The following IQSEC3 variants were observed in gnomAD, a reference collection of about 807,000 sequenced individuals.
IQSEC3 encodes IQ motif and Sec7 domain ArfGEF 3, also known as IQ motif and SEC7 domain-containing protein 3.
Under a neutral mutation model 105.4 loss-of-function variants are expected in IQSEC3, and 50 were observed. That is an observed-to-expected ratio of 0.47 (90% CI 0.38 to 0.60). The LOEUF (loss-of-function observed/expected upper bound fraction) is 0.60. Among genes scored for constraint, IQSEC3 ranks in the 20% least tolerant of loss-of-function variants. IQSEC3 has a pLI of 0.00. For missense variants in IQSEC3, 1,415 were observed against 1,630.0 expected (o/e 0.87, Z 2.27); for synonymous variants, 708 against 746.0 (o/e 0.95, Z 0.83).
chr12:86,188 G>A (rs185232848), intron 1 of IQSEC3, among the ~76,000 whole-genome samples: 29 of 152,308 alleles, frequency 1.9e-4, no homozygotes, highest in East Asian at 9.6e-4. Flanking sequence ...GGGCGCTTCC[G>A]GCCTAGGTGG....
chr12:138,187 G>C lies in IQSEC3; in HGVS notation c.904-80G>C. ...TCCTGGGCCCCACCCGAGTGTGGCC[G>C]GGTGACTCCACCACTCCTCAGAAGG... is the stretch of plus-strand genomic sequence containing the variant. On this transcript the variant is annotated intron_variant, in intron 3 of 13. Coordinates refer to ENST00000538872, the MANE Select transcript of IQSEC3 (RefSeq NM_001170738.2). This position sits in a 1 kb window ranked among gnomAD's most constrained non-coding sequence, Gnocchi z 7.1. 7 of 1,300,762 alleles carry C rather than the reference G, an allele frequency of 5.4e-6. No individual in the cohort carries two copies. The highest frequency in any genetic ancestry group is 1.4e-5 in the South Asian group (1 of 72,760). The allele number at this position is 1,300,762 out of a possible 1,614,324, so 80.6% of individuals were successfully genotyped here. A position where few individuals can be genotyped will look rare whatever the true frequency, so the allele number is the denominator to read the frequency against.
In IQSEC3 at chr12:99,540, C is replaced by T. The variant is rs1237784246; in HGVS notation, c.623+326C>T. On this transcript the variant is annotated intron_variant, in intron 2 of 13. Coordinates refer to ENST00000538872, the MANE Select transcript of IQSEC3 (RefSeq NM_001170738.2). ...ATTGGGGATATTCGTGTCTCTCACA[C>T]GGTAGGGTGCCTGGCACACAGTGGT... Among the ~76,000 whole-genome samples the T allele has an allele frequency of 2.6e-5, 4 of 152,222 alleles. No homozygotes were observed. In the East Asian group the frequency reaches 5.8e-4, roughly 22 times the overall value.
At position 141,284 on chromosome 12, in the gene IQSEC3, G is replaced by C. The variant is rs781980493; in HGVS notation, c.2152G>C (p.Asp718His). 1 of 1,612,896 alleles carries C rather than the reference G, an allele frequency of 6.2e-7. No individual in the cohort carries two copies. Among genetic ancestry groups the C allele is most frequent in the Admixed American group, 1.7e-5 (1 of 59,998 alleles). Residue 718 changes from aspartate (D) to histidine (H), a missense_variant and splice_region_variant, in exon 5 of 14, where the codon GAC becomes CAC. Asp to His is a moderately conservative substitution (Grantham distance 81, BLOSUM62 -1). Around this residue, in one of 6 missense-constraint regions of IQSEC3, gnomAD observed 213 missense variants for 306.2 expected, o/e 0.70. Transcript: ENST00000538872. The part of the protein sequence containing the change: ...SKKQFNRDVL[D>H]CVVDEMDFSS... ...GAAGCAGTTCAACCGCGACGTGCTG[G>C]AGTGAGTACCCCACACTCCGGGCTT...
At chr12:125,043 G>T (rs1471670762) in intron 2 of IQSEC3, among the ~76,000 whole-genome samples, 7 of 152,120 alleles carry the variant, frequency 4.6e-5, no homozygotes, top group Non-Finnish European at 8.8e-5. Context: ...GCCAGGCCAG[G>T]CACCCTGCCT....
chr12:162,078 A>C lies in IQSEC3; in HGVS notation c.2583+13A>C. 6.2e-7 allele frequency: 1 copy of C among 1,613,174 alleles called. No individual in the cohort carries two copies. Among genetic ancestry groups the C allele is most frequent in the Admixed American group, 1.7e-5 (1 of 59,986 alleles). ...GGGCATGAAGACAGTGAGTGTCCAC[A>C]AGCTACCTATCTCCCGTCTCCTTTC... On this transcript the variant is annotated intron_variant, in intron 8 of 13. Transcript: ENST00000538872.
intron 8 of IQSEC3, among the ~76,000 whole-genome samples, chr12:162,566 A>G (rs1866942670): frequency 6.6e-6 from 1 of 152,156 alleles, no homozygotes. Context: ...TTATACTATA[A>G]AGGATGTCAT....
intron 2 of IQSEC3, 65 bp downstream of exon 2, chr12:99,279 T>C (rs1864344324): frequency 4.1e-6 from 6 of 1,446,850 alleles, no homozygotes; most frequent in South Asian, 1.2e-5. Flanking sequence ...ACAAAGCACG[T>C]ACCACTGCAC....
At position 174,694 on chromosome 12, in the gene IQSEC3, C is replaced by G. The variant is rs773021644; in HGVS notation, c.3210C>G (p.Ser1070Arg). ...TGCCGCCGCCAGACCTGCAGCCTAGCCCCCCGAGACAGCAGACCCCACCAC... is the reference window on the plus strand; with the variant it reads ...TGCCGCCGCCAGACCTGCAGCCTAGGCCCCCGAGACAGCAGACCCCACCAC... ...APVPPPDLQPSPPRQQTPPLP... is the reference protein window; with the variant it reads ...APVPPPDLQPRPPRQQTPPLP... Residue 1070 changes from serine to arginine, a missense_variant, in exon 14 of 14, where the codon AGC becomes AGG. Transcript: ENST00000538872. 12 of 1,591,962 alleles carry G rather than the reference C, an allele frequency of 7.5e-6. No individual in the cohort carries two copies. In the African/African-American group the frequency reaches 1.5e-4, roughly 20 times the overall value.
At chr12:153,778 G>T (rs571902848) in intron 5 of IQSEC3, among the ~76,000 whole-genome samples, 14 of 152,248 alleles carry the variant, frequency 9.2e-5, no homozygotes, top group Admixed American at 5.2e-4. Flanking sequence ...ATGCCCCTAA[G>T]GACGGCTGCC....
At chr12:164,266 C>T (rs991724979) in intron 9 of IQSEC3, among the ~76,000 whole-genome samples, 3 of 152,144 alleles carry the variant, frequency 2.0e-5, no homozygotes, top group African/African-American at 7.2e-5. Context: ...GCCTGAACCA[C>T]CTCTCACCAC....
chr12:116,269 G>T (rs1865045432), intron 2 of IQSEC3, among the ~76,000 whole-genome samples: 2 of 152,294 alleles, frequency 1.3e-5, no homozygotes, highest in African/African-American at 4.8e-5. Flanking sequence ...CGGGCTCCAA[G>T]TCTGCACTAC....
Position 163,632 on chromosome 12 carries a change from C to T in IQSEC3, c.2709+13C>T, listed in dbSNP as rs781856793. 1.0e-5 allele frequency: 14 copies of T among 1,379,674 alleles called. No homozygotes were observed. In the South Asian group the frequency reaches 1.0e-4, roughly 10 times the overall value. The allele number at this position is 1,379,674 out of a possible 1,614,324, so 85.5% of individuals were successfully genotyped here. A position where few individuals can be genotyped will look rare whatever the true frequency, so the allele number is the denominator to read the frequency against. On this transcript the variant is annotated intron_variant, in intron 9 of 13. Transcript: ENST00000538872. ...TGACCTGCTGGTGGTGAGTGGCCTCCGCTCCGGGACTGGGCTGGGCTGGGG... is the reference window on the plus strand; with the variant it reads ...TGACCTGCTGGTGGTGAGTGGCCTCTGCTCCGGGACTGGGCTGGGCTGGGG...
Position 154,086 on chromosome 12 carries a change from C to T in IQSEC3, c.2154-2939C>T, listed in dbSNP as rs540894915. ...CCCAAGTGTCCACCCCTGCAGCCCT[C>T]CCCGCTTCGAGGCCCACGAGGGGTG... On this transcript the variant is annotated intron_variant, in intron 5 of 13. Coordinates refer to ENST00000538872, the MANE Select transcript of IQSEC3 (RefSeq NM_001170738.2). 3.9e-5 allele frequency among the ~76,000 whole-genome samples: 6 copies of T among 152,318 alleles called. No individual in the cohort carries two copies. The East Asian group carries it at 7.7e-4, about 20-fold the overall frequency.
chr12:169,343 G>T (rs930707929), intron 12 of IQSEC3, among the ~76,000 whole-genome samples: 1 of 152,222 alleles, frequency 6.6e-6, no homozygotes, highest in Non-Finnish European at 1.5e-5. Flanking sequence ...TCTGGAGTCC[G>T]TGTGAGATGT....
intron 1 of IQSEC3, among the ~76,000 whole-genome samples, chr12:79,389 A>G (rs1555070190): frequency 6.6e-6 from 1 of 152,102 alleles, no homozygotes; most frequent in East Asian, 1.9e-4. Flanking sequence ...GGTGGCTTTT[A>G]ACATACACAC....
intron 1 of IQSEC3, among the ~76,000 whole-genome samples, chr12:84,822 A>G (rs1863863982): frequency 6.6e-6 from 1 of 152,122 alleles, no homozygotes; most frequent in African/African-American, 2.4e-5. Flanking sequence ...GTAGGTTTTG[A>G]TGTTTCTGTC....
intron 3 of IQSEC3, among the ~76,000 whole-genome samples, chr12:131,736 A>G (rs2083656035): frequency 6.6e-6 from 1 of 150,512 alleles, no homozygotes; most frequent in Non-Finnish European, 1.5e-5. Flanking sequence ...CTGAGCATTG[A>G]GGGTGGGGAG....
At chr12:134,984 G>C (rs1366494001) in intron 3 of IQSEC3, among the ~76,000 whole-genome samples, 2 of 152,174 alleles carry the variant, frequency 1.3e-5, no homozygotes, top group African/African-American at 4.8e-5. Context: ...ACAAAAATTA[G>C]CCAGGCACAG....
intron 3 of IQSEC3, among the ~76,000 whole-genome samples, chr12:131,075 T>G: frequency 6.7e-6 from 1 of 149,580 alleles, no homozygotes. Context: ...CTAGCGGCTC[T>G]TCCTCCCCAC....
Sources: gnomAD v4.1 joint callset for allele counts (sites outside exome capture counted in the v4.1 genomes callset) on GRCh38, gnomAD v4.1.1 for gene constraint, gnomAD v4.1.1 regional missense constraint, Gnocchi (gnomAD v3.1) non-coding constraint, MANE v1.5 for transcripts, NCBI Gene and HGNC (gene_info 2026-07-23, HGNC 2026-07-21) for gene names.